Variants in LCORL observed in about 807,000 individuals in gnomAD.
The protein encoded by LCORL is ligand-dependent nuclear receptor corepressor-like protein.
A neutral mutation model predicts 141.8 loss-of-function variants in LCORL; 41 were observed. That is an observed-to-expected ratio of 0.29 (90% CI 0.23 to 0.38). The LOEUF is 0.38. Among genes scored for constraint, LCORL ranks in the 10% least tolerant of loss-of-function variants. LCORL has a pLI of 1.00. For synonymous variants in LCORL, 618 were observed against 694.1 expected (o/e 0.89, Z 1.72); for missense variants, 1,759 against 2,035.0 (o/e 0.86, Z 2.61).
At chr4:17,927,730 G>C (rs1341172093) in intron 4 of LCORL, among the ~76,000 whole-genome samples, 2 of 152,178 alleles carry the variant, frequency 1.3e-5, no homozygotes, top group Non-Finnish European at 2.9e-5. Context: ...TCTCATATGG[G>C]AGTGGTTCGT....
intron 7 of LCORL, among the ~76,000 whole-genome samples, chr4:17,853,412 A>T (rs898427122): frequency 6.6e-6 from 1 of 152,164 alleles, no homozygotes; most frequent in African/African-American, 2.4e-5. Context: ...CTAAATAAGT[A>T]GCAGCTACTC....
intron 6 of LCORL, chr4:17,882,881 TTC>T (rs1647664507): frequency 1.0e-6 from 1 of 975,616 alleles, no homozygotes; most frequent in Admixed American, 6.2e-5. Context: ...CATTCCAACT[TTC>T]TTTTCTAACC....
chr4:17,853,049 A>ATTTTTTTTTTTTTTTTTTTTTTT (rs67695626), intron 7 of LCORL, among the ~76,000 whole-genome samples: 1 of 125,202 alleles, frequency 8.0e-6, no homozygotes, highest in African/African-American at 2.9e-5. Context: ...TAAAAGCTTG[A>ATTTTTTTTTTTTTTTTTTTTTTT]TTTTTTTTTT....
chr4:18,000,711 C>T (rs1164490434), intron 1 of LCORL, among the ~76,000 whole-genome samples: 1 of 152,106 alleles, frequency 6.6e-6, no homozygotes, highest in Non-Finnish European at 1.5e-5. Context: ...AAAACAGGAA[C>T]AAATAGTCTA....
chr4:17,883,031 G>A (rs1340670331), intron 6 of LCORL: 4 of 977,102 alleles, frequency 4.1e-6, no homozygotes, highest in Non-Finnish European at 4.9e-6. Context: ...CTATGTGTCA[G>A]TTTTTTTAAA....
At chr4:17,966,897 C>T (rs1714993013) in intron 2 of LCORL, among the ~76,000 whole-genome samples, 1 of 152,102 alleles carries the variant, frequency 6.6e-6, no homozygotes. Context: ...CAAAACTAAA[C>T]ATAGTCTATC....
chr4:17,980,191 C>T (rs1479831424), intron 1 of LCORL, among the ~76,000 whole-genome samples: 3 of 152,206 alleles, frequency 2.0e-5, no homozygotes, highest in African/African-American at 4.8e-5. Flanking sequence ...TAATAGGAAA[C>T]TCATACCTGC....
chr4:17,983,493 C>T (rs917328022), intron 1 of LCORL, among the ~76,000 whole-genome samples: 15 of 152,142 alleles, frequency 9.9e-5, no homozygotes, highest in African/African-American at 3.6e-4. Flanking sequence ...CCCTGTTTAG[C>T]TGTATTCCCG....
intron 1 of LCORL, among the ~76,000 whole-genome samples, chr4:18,017,265 T>C (rs1282037486): frequency 6.6e-6 from 1 of 152,120 alleles, no homozygotes; most frequent in Non-Finnish European, 1.5e-5. Context: ...AACTAATAAT[T>C]ATAGAAGGAA....
intron 4 of LCORL, among the ~76,000 whole-genome samples, chr4:17,945,403 A>C (rs1015613533): frequency 6.7e-6 from 1 of 148,982 alleles, no homozygotes; most frequent in Non-Finnish European, 1.5e-5. Context: ...ACTGGCTTAT[A>C]AATTGGGGTT....
chr4:17,911,483 T>C (rs1732521058), intron 4 of LCORL, among the ~76,000 whole-genome samples: 1 of 151,938 alleles, frequency 6.6e-6, no homozygotes, highest in Admixed American at 6.6e-5. Context: ...GCAACATGAG[T>C]TCTGCTAAAA....
intron 5 of LCORL, among the ~76,000 whole-genome samples, chr4:17,907,373 A>G (rs768773373): frequency 3.9e-5 from 6 of 152,194 alleles, no homozygotes; most frequent in Non-Finnish European, 7.3e-5. Context: ...TGGCCAAATT[A>G]CAATTGAAGA....
intron 4 of LCORL, among the ~76,000 whole-genome samples, chr4:17,917,804 C>T (rs1247494659): frequency 6.6e-6 from 1 of 152,154 alleles, no homozygotes; most frequent in East Asian, 1.9e-4. Context: ...TAACCAAAAG[C>T]TTATAGCCAT....
intron 4 of LCORL, among the ~76,000 whole-genome samples, chr4:17,955,367 T>G (rs1712386783): frequency 1.3e-5 from 2 of 152,070 alleles, no homozygotes; most frequent in South Asian, 4.1e-4. Flanking sequence ...TAGGATGGAT[T>G]GAAAAGAGAA....
intron 4 of LCORL, among the ~76,000 whole-genome samples, chr4:17,935,291 T>C (rs1000097017): frequency 6.7e-6 from 1 of 149,914 alleles, no homozygotes; most frequent in Admixed American, 6.7e-5. Context: ...CTTGCCATTA[T>C]AGTCTTTTGT....
chr4:17,867,747 T>C (rs377382648), intron 7 of LCORL, among the ~76,000 whole-genome samples: 2 of 152,140 alleles, frequency 1.3e-5, no homozygotes, highest in South Asian at 2.1e-4. Flanking sequence ...GAGAAAGATA[T>C]GGGGCAATTA....
intron 4 of LCORL, among the ~76,000 whole-genome samples, chr4:17,924,997 C>T (rs375415756): frequency 3.3e-5 from 5 of 152,330 alleles, no homozygotes; most frequent in Middle Eastern, 3.4e-3. Flanking sequence ...CACTCACCAT[C>T]ACCCCTAGTG....
chr4:17,915,445 G>A (rs775826786), intron 4 of LCORL, among the ~76,000 whole-genome samples: 1 of 152,182 alleles, frequency 6.6e-6, no homozygotes, highest in Non-Finnish European at 1.5e-5. Context: ...AAAGTAATCT[G>A]TTATAGAGTC....
At chr4:17,974,920 G>A (rs1351253943) in intron 1 of LCORL, among the ~76,000 whole-genome samples, 3 of 151,982 alleles carry the variant, frequency 2.0e-5, no homozygotes, top group African/African-American at 7.2e-5. Flanking sequence ...CTGTAGTTGT[G>A]TCCCTCTTTC....
Sources: gnomAD v4.1 joint callset for allele counts (sites outside exome capture counted in the v4.1 genomes callset) on GRCh38, gnomAD v4.1.1 for gene constraint, MANE v1.5 for transcripts, NCBI Gene and HGNC (gene_info 2026-07-23, HGNC 2026-07-21) for gene names.